The following SNX8 variants were observed in gnomAD, a reference collection of about 807,000 sequenced individuals.
The protein encoded by SNX8 is sorting nexin-8.
SNX8 carries 25 observed loss-of-function variants against 51.6 expected under a neutral mutation model. That is an observed-to-expected ratio of 0.48 (90% CI 0.35 to 0.68). The LOEUF (loss-of-function observed/expected upper bound fraction) is 0.68, where lower values mean the gene tolerates loss of function less well. SNX8 is among the 30% of genes least tolerant of loss of function. The pLI is 0.00. For synonymous variants in SNX8, 324 were observed against 277.0 expected (o/e 1.17, Z -1.68); for missense variants, 695 against 624.0 (o/e 1.11, Z -1.21).
chr7:2,336,266 T>A (rs1207359455), intron 1 of SNX8, among the ~76,000 whole-genome samples: 1 of 151,810 alleles, frequency 6.6e-6, no homozygotes. Flanking sequence ...CCGGGCATGG[T>A]GGCGCAGGCC....
rs922899570 is a variant in SNX8 at position 2,291,200 on chromosome 7, T to C, written c.95-12895A>G. Among the ~76,000 whole-genome samples, 3 of 151,954 alleles carry C rather than the reference T, an allele frequency of 2.0e-5. No homozygotes were observed. The South Asian group carries it at 6.2e-4, about 31-fold the overall frequency. On this transcript the variant is annotated intron_variant, in intron 1 of 10. Coordinates refer to ENST00000222990, the MANE Select transcript of SNX8 (RefSeq NM_013321.4). The stretch of plus-strand genomic sequence containing the variant: ...CTGTAGTTCCAGCTGCTTCCAAAGC[T>C]GAGGCAGGAGGGTCCTTTGAGCCCA...
intron 1 of SNX8, 25 bp from the exon 2 acceptor site, chr7:2,278,330 A>C: frequency 7.1e-7 from 1 of 1,402,216 alleles, no homozygotes; most frequent in Non-Finnish European, 9.9e-7. Context: ...GTGAATGACC[A>C]GTGAGAATAG....
Position 2,314,189 on chromosome 7 carries a change from C to T in SNX8, c.94+139G>A. ...GGAGGGCAGGGGGACCTCCGAGGGACTGGGGCGTGGGGCCGAACGCGGGGC... is the reference window on the plus strand; with the variant it reads ...GGAGGGCAGGGGGACCTCCGAGGGATTGGGGCGTGGGGCCGAACGCGGGGC... On this transcript the variant is annotated intron_variant, in intron 1 of 10. Transcript: ENST00000222990. 4 of 929,732 alleles carry T rather than the reference C, an allele frequency of 4.3e-6. 1 individual carries two copies. The highest frequency in any genetic ancestry group is 2.8e-6 in the Non-Finnish European group (2 of 720,246). The allele number at this position is 929,732 out of a possible 1,614,324, so 57.6% of individuals were successfully genotyped here. A position where few individuals can be genotyped will look rare whatever the true frequency, so the allele number is the denominator to read the frequency against.
chr7:2,279,762 G>GAAAAAAAAAAAAAA (rs796698660), intron 1 of SNX8, among the ~76,000 whole-genome samples: 1 of 94,984 alleles, frequency 1.1e-5, no homozygotes, highest in African/African-American at 3.9e-5. Context: ...CAAAAAAAAA[G>GAAAAAAAAAAAAAA]AAAAAAAAAA....
intron 3 of SNX8, among the ~76,000 whole-genome samples, chr7:2,274,306 G>T (rs1298462086): frequency 1.3e-5 from 2 of 152,278 alleles, no homozygotes; most frequent in Admixed American, 6.5e-5. Flanking sequence ...CAGATGCGGG[G>T]AACTGGCGAC....
At chr7:2,308,048 C>CGTGT (rs368273920) in intron 1 of SNX8, 1 of 150,684 alleles carries the variant, frequency 6.6e-6, no homozygotes, top group Non-Finnish European at 1.5e-5. Flanking sequence ...TGTATGTGTG[C>CGTGT]GTGTGTGTGT....
At chr7:2,288,413 T>C (rs1796081659) in intron 1 of SNX8, 1 of 166,380 alleles carries the variant, frequency 6.0e-6, no homozygotes, top group Admixed American at 6.6e-5. Flanking sequence ...AATATTTTTA[T>C]GGCATCCAGA....
intron 7 of SNX8, among the ~76,000 whole-genome samples, chr7:2,259,406 C>G (rs1795282033): frequency 6.6e-6 from 1 of 152,240 alleles, no homozygotes; most frequent in Admixed American, 6.5e-5. Context: ...CGGGCTCCAC[C>G]CGTGGTAGGG....
intron 1 of SNX8, among the ~76,000 whole-genome samples, chr7:2,295,402 C>CA (rs35446427): frequency 0.42 from 38,859 of 91,694 alleles, 7,473 homozygotes; most frequent in East Asian, 0.66. Flanking sequence ...TACTCCATCT[C>CA]AAAAAAAAAA....
chr7:2,315,284 CCACTCACT>C (rs1226963820), upstream of SNX8, among the ~76,000 whole-genome samples: 1 of 135,814 alleles, frequency 7.4e-6, no homozygotes, highest in East Asian at 2.3e-4. Flanking sequence ...ACCCACTCAC[CCACTCACT>C]CACTGCATCC....
intron 1 of SNX8, among the ~76,000 whole-genome samples, chr7:2,320,512 G>C (rs1204145601): frequency 6.6e-6 from 1 of 152,164 alleles, no homozygotes; most frequent in Admixed American, 6.6e-5. Flanking sequence ...CTTGAGCCCA[G>C]GAGTTCAAGA....
At chr7:2,277,781 TG>T (rs1795815224) in intron 2 of SNX8, among the ~76,000 whole-genome samples, 1 of 150,634 alleles carries the variant, frequency 6.6e-6, no homozygotes, top group African/African-American at 2.4e-5. Flanking sequence ...CACTCCAGCC[TG>T]GGCGACAGAG....
At chr7:2,343,575 T>C (rs1228012883) in intron 1 of SNX8, among the ~76,000 whole-genome samples, 1 of 152,012 alleles carries the variant, frequency 6.6e-6, no homozygotes, top group Non-Finnish European at 1.5e-5. Context: ...CTGGGGAGGC[T>C]GAGGCAGGAG....
intron 1 of SNX8, among the ~76,000 whole-genome samples, chr7:2,294,292 GA>G (rs981729533): frequency 2.0e-5 from 3 of 147,170 alleles, no homozygotes; most frequent in South Asian, 2.1e-4. Flanking sequence ...AGAAAAAAAA[GA>G]AAAAAAAAAG....
At chr7:2,309,883 G>T (rs1177946394) in intron 1 of SNX8, 1 of 470,932 alleles carries the variant, frequency 2.1e-6, no homozygotes, top group African/African-American at 2.0e-5. Flanking sequence ...AGAGGGGAAG[G>T]CTCGGGGCAG....
intron 1 of SNX8, among the ~76,000 whole-genome samples, chr7:2,293,236 T>C (rs1796193362): frequency 6.8e-6 from 1 of 146,606 alleles, no homozygotes; most frequent in Non-Finnish European, 1.5e-5. Flanking sequence ...CACCTCGGCC[T>C]CCCAAAGTGC....
intron 1 of SNX8, among the ~76,000 whole-genome samples, chr7:2,339,168 T>C (rs1284906891): frequency 1.3e-5 from 2 of 152,122 alleles, no homozygotes; most frequent in African/African-American, 4.8e-5. Flanking sequence ...CCTCCCAAAG[T>C]GCTGGGATTA....
At chr7:2,350,798 G>A (rs530136013) in intron 1 of SNX8, among the ~76,000 whole-genome samples, 237 of 151,882 alleles carry the variant, frequency 1.6e-3, no homozygotes, top group Non-Finnish European at 2.4e-3. Context: ...AGGCGCCTGC[G>A]GCCACACCCG....
chr7:2,338,805 A>C (rs992318717), intron 1 of SNX8, among the ~76,000 whole-genome samples: 6 of 151,802 alleles, frequency 4.0e-5, no homozygotes, highest in Non-Finnish European at 8.8e-5. Flanking sequence ...GCTCATGCCT[A>C]TAATTTCAGC....
Sources: gnomAD v4.1 joint callset for allele counts (sites outside exome capture counted in the v4.1 genomes callset) on GRCh38, gnomAD v4.1.1 for gene constraint, MANE v1.5 for transcripts, NCBI Gene and HGNC (gene_info 2026-07-23, HGNC 2026-07-21) for gene names.